Variants in EPHA6 observed in about 807,000 individuals in gnomAD.
EPHA6 encodes the protein ephrin type-A receptor 6.
EPHA6 carries 50 observed loss-of-function variants against 112.0 expected under a neutral mutation model. That is an observed-to-expected ratio of 0.45 (90% confidence interval 0.36 to 0.56). EPHA6 has a LOEUF of 0.56. Among genes scored for constraint, EPHA6 ranks in the 20% least tolerant of loss-of-function variants. The probability of loss-of-function intolerance (pLI) is 0.00; values close to 1 mark genes in which losing one functional copy is unlikely to be tolerated. For synonymous variants in EPHA6, 529 were observed against 490.7 expected (o/e 1.08, Z -1.03); for missense variants, 1,280 against 1,417.4 (o/e 0.90, Z 1.56).
chr3:97,205,694 A>G (rs2077697513), intron 3 of EPHA6, among the ~76,000 whole-genome samples: 1 of 152,090 alleles, frequency 6.6e-6, no homozygotes, highest in Non-Finnish European at 1.5e-5. Flanking sequence ...ACTATACATG[A>G]CTGGAATATT....
At chr3:97,402,531 A>C (rs1031151118) in intron 5 of EPHA6, among the ~76,000 whole-genome samples, 1 of 152,024 alleles carries the variant, frequency 6.6e-6, no homozygotes, top group Non-Finnish European at 1.5e-5. Flanking sequence ...TTGTGTCTTT[A>C]CAGTGAAATG....
intron 3 of EPHA6, among the ~76,000 whole-genome samples, chr3:97,017,070 A>G (rs2044290235): frequency 6.6e-6 from 1 of 152,194 alleles, no homozygotes. Context: ...AGAAGCCTCC[A>G]ATCATCCCAC....
rs1409085625 is a variant in EPHA6, at chr3:97,475,367, C to G, written c.1910C>G (p.Ala637Gly). 4 of 1,609,846 alleles carry G rather than the reference C, an allele frequency of 2.5e-6. No individual in the cohort carries two copies. Among genetic ancestry groups the G allele is most frequent in the Non-Finnish European group, 3.4e-6 (4 of 1,177,842 alleles). The change falls in exon 8 of 18, where the codon GCA (alanine) becomes GGA (glycine). Residue 637 changes from alanine to glycine, a missense_variant. Physicochemically the swap from Ala to Gly is moderately conservative, Grantham distance 60 (BLOSUM62 0). Around this residue, in one of 4 missense-constraint regions of EPHA6, gnomAD observed 878 missense variants for 999.7 expected, o/e 0.88. Coordinates refer to ENST00000389672, the MANE Select transcript of EPHA6 (RefSeq NM_001080448.3). ...TCTGTTTCAGCTTCTGACATGGCAG[C>G]AGAACAAGGACAGATTCTCGTGATA... is the stretch of plus-strand genomic sequence containing the variant. ...ETGDETSDMA[A>G]EQGQILVIAT...
chr3:97,481,447 T>G, intron 9 of EPHA6: 1 of 1,361,188 alleles, frequency 7.3e-7, no homozygotes, highest in Non-Finnish European at 1.0e-6. Flanking sequence ...GGCTTTCCTT[T>G]GCAGTTAAAA....
At chr3:97,159,226 C>T (rs539561616) in intron 3 of EPHA6, among the ~76,000 whole-genome samples, 17 of 152,206 alleles carry the variant, frequency 1.1e-4, no homozygotes, top group East Asian at 1.9e-4. Context: ...ATTGTGGAGT[C>T]GTGTTTCAGT....
chr3:97,650,856 C>CAA lies in EPHA6; in HGVS notation c.2784+12792_2784+12793dup, dbSNP rs11377339. 6.4e-3 allele frequency among the ~76,000 whole-genome samples: 614 copies of CAA among 95,672 alleles called. 14 individuals are homozygous for CAA. Among genetic ancestry groups the CAA allele is most frequent in the African/African-American group, 0.015 (381 of 25,398 alleles). 62.8% of individuals were successfully genotyped at this position (95,672 alleles called of 152,430 possible). A position where few individuals can be genotyped will look rare whatever the true frequency, so the allele number is the denominator to read the frequency against. The stretch of plus-strand genomic sequence containing the variant: ...TGGGCAACAGTTCAAGACTCCATCT[C>CAA]AAAAAAAAAAAAAAAAAAAGGAGAG... On this transcript the variant is annotated intron_variant, in intron 14 of 17. Transcript: ENST00000389672.
chr3:97,123,909 C>CA (rs1009759267), intron 3 of EPHA6, among the ~76,000 whole-genome samples: 35 of 148,786 alleles, frequency 2.4e-4, no homozygotes, highest in African/African-American at 6.6e-4. Context: ...GAGGGAGAGA[C>CA]AGAGAGAGAG....
chr3:96,887,882 C>A (rs923187182), intron 2 of EPHA6, among the ~76,000 whole-genome samples: 2 of 152,036 alleles, frequency 1.3e-5, no homozygotes, highest in Non-Finnish European at 2.9e-5. Flanking sequence ...GGAAAGCCAG[C>A]AGTCACAAGC....
intron 13 of EPHA6, among the ~76,000 whole-genome samples, chr3:97,635,632 C>A (rs905661620): frequency 6.6e-6 from 1 of 151,772 alleles, no homozygotes. Flanking sequence ...ACTGGTTGCC[C>A]GGGGTGGTGG....
At chr3:97,072,173 G>A (rs1413555912) in intron 3 of EPHA6, among the ~76,000 whole-genome samples, 1 of 152,060 alleles carries the variant, frequency 6.6e-6, no homozygotes, top group Non-Finnish European at 1.5e-5. Context: ...AGTGGATAAA[G>A]AAATATATAT....
chr3:96,880,199 C>T (rs1208140939), intron 2 of EPHA6, among the ~76,000 whole-genome samples: 1 of 151,974 alleles, frequency 6.6e-6, no homozygotes, highest in East Asian at 1.9e-4. Context: ...TGCTAAATAC[C>T]TTGATTTGAT....
intron 1 of EPHA6, among the ~76,000 whole-genome samples, chr3:96,841,660 A>G (rs1313263843): frequency 9.2e-5 from 14 of 152,078 alleles, no homozygotes; most frequent in Non-Finnish European, 2.9e-5. Context: ...CTGTCAGCCC[A>G]TAACGGAGAT....
intron 14 of EPHA6, among the ~76,000 whole-genome samples, chr3:97,663,993 C>A (rs1482554448): frequency 6.6e-6 from 1 of 152,132 alleles, no homozygotes; most frequent in South Asian, 2.1e-4. Context: ...CTCTCCAGCA[C>A]CTGTTGTTTC....
intron 5 of EPHA6, among the ~76,000 whole-genome samples, chr3:97,377,664 C>T (rs551700727): frequency 1.7e-3 from 258 of 152,222 alleles, no homozygotes; most frequent in African/African-American, 5.9e-3. Context: ...GAGTTGGTCT[C>T]AGATGGAGAT....
chr3:97,435,729 T>C (rs566756251), intron 6 of EPHA6, among the ~76,000 whole-genome samples: 7 of 152,304 alleles, frequency 4.6e-5, no homozygotes, highest in African/African-American at 1.4e-4. Flanking sequence ...AAATTTAACT[T>C]ATGGCTTCAT....
At chr3:97,698,862 G>A (rs530545823) in intron 14 of EPHA6, among the ~76,000 whole-genome samples, 1 of 152,214 alleles carries the variant, frequency 6.6e-6, no homozygotes, top group African/African-American at 2.4e-5. Flanking sequence ...GTCCTCGCAC[G>A]GTGCCTGCCA....
At chr3:96,853,968 G>A (rs1403065278) in intron 1 of EPHA6, among the ~76,000 whole-genome samples, 1 of 151,678 alleles carries the variant, frequency 6.6e-6, no homozygotes. Context: ...TTTTCTTATA[G>A]TTGCTTTATA....
At chr3:97,415,589 C>A (rs1577310485) in intron 6 of EPHA6, among the ~76,000 whole-genome samples, 2 of 151,986 alleles carry the variant, frequency 1.3e-5, no homozygotes, top group Non-Finnish European at 2.9e-5. Flanking sequence ...CCATATATAT[C>A]CTTTGATTTA....
rs570008816 is a variant in EPHA6 at position 97,031,741 on chromosome 3, A to G, written c.1114+43748A>G. ...TCAGAGAAATGCAAATCAAAACCAC[A>G]ATGAGATACCATCTCACACCATTTA... On this transcript the variant is annotated intron_variant, in intron 3 of 17. Coordinates refer to ENST00000389672, the MANE Select transcript of EPHA6 (RefSeq NM_001080448.3). Among the ~76,000 whole-genome samples, 13 of 152,314 alleles carry G rather than the reference A, an allele frequency of 8.5e-5. No individual in the cohort carries two copies. The South Asian group carries it at 2.3e-3, about 27-fold the overall frequency.
Sources: allele counts gnomAD v4.1 joint callset (sites outside exome capture counted in the v4.1 genomes callset), GRCh38; gene constraint gnomAD v4.1.1; regional missense constraint gnomAD v4.1.1; transcripts MANE v1.5; gene names NCBI Gene and HGNC (gene_info 2026-07-23, HGNC 2026-07-21).